The following TENM1 variants were observed in gnomAD, a reference collection of about 807,000 sequenced individuals.
TENM1 encodes teneurin-1.
Under a neutral mutation model 174.8 loss-of-function variants are expected in TENM1, and 35 were observed. The ratio of observed to expected loss-of-function variants is 0.20; its 90% CI spans 0.15 to 0.27. The LOEUF (loss-of-function observed/expected upper bound fraction) is 0.27. Among genes scored for constraint, TENM1 ranks in the 10% least tolerant of loss-of-function variants. TENM1 has a pLI of 1.00. For synonymous variants in TENM1, 781 were observed against 798.7 expected, an observed-to-expected ratio of 0.98 and a Z score of 0.37; for missense variants, 1,633 against 2,130.1, an observed-to-expected ratio of 0.77 and a Z score of 4.59.
chrX:124,579,354 C>T (rs2049246525), intron 11 of TENM1, among the ~76,000 whole-genome samples: 1 of 105,128 alleles, frequency 9.5e-6, no homozygotes, highest in African/African-American at 3.5e-5. Context: ...TGACTGCTAG[C>T]CCTATTCTAT....
At chrX:124,746,952 C>T (rs996547897) in intron 3 of TENM1, among the ~76,000 whole-genome samples, 2 of 109,715 alleles carry the variant, frequency 1.8e-5, no homozygotes, top group Admixed American at 9.9e-5. Flanking sequence ...CATAGTGAAA[C>T]CAAACTACTA....
the TENM1 span, among the ~76,000 whole-genome samples, chrX:125,162,888 C>G: frequency 9.0e-6 from 1 of 111,324 alleles, no homozygotes; most frequent in Non-Finnish European, 1.9e-5. Flanking sequence ...TTCCCCATCA[C>G]AAACCTACTC....
At chrX:124,783,660 G>C (rs995502593) in intron 3 of TENM1, among the ~76,000 whole-genome samples, 1 of 111,710 alleles carries the variant, frequency 9.0e-6, no homozygotes, top group African/African-American at 3.2e-5. Context: ...GCAGATTATG[G>C]TGGGGAATCA....
At chrX:124,878,088 A>G (rs2057239920) in intron 3 of TENM1, among the ~76,000 whole-genome samples, 1 of 111,580 alleles carries the variant, frequency 9.0e-6, no homozygotes. Flanking sequence ...AAATGTATGT[A>G]TAAGTGGACC....
chrX:124,601,220 G>A (rs576306285), intron 11 of TENM1, among the ~76,000 whole-genome samples: 1 of 111,590 alleles, frequency 9.0e-6, no homozygotes, highest in Admixed American at 9.5e-5. Context: ...AGAGGAGAAC[G>A]TGGGATTCAA....
At chrX:125,115,211 C>T in the TENM1 span, among the ~76,000 whole-genome samples, 11 of 111,543 alleles carry the variant, frequency 9.9e-5, no homozygotes, top group African/African-American at 3.3e-4. Context: ...TAAAAACTCT[C>T]AATAAACTAG....
intron 18 of TENM1, among the ~76,000 whole-genome samples, chrX:124,504,510 C>G (rs1417122922): frequency 1.8e-5 from 2 of 111,576 alleles, no homozygotes; most frequent in Admixed American, 1.9e-4. Context: ...TCTTGGAAAC[C>G]TGCTCACCTG....
chrX:124,583,580 T>C (rs1250106755), intron 11 of TENM1, among the ~76,000 whole-genome samples: 10 of 109,794 alleles, frequency 9.1e-5, no homozygotes, highest in Non-Finnish European at 1.3e-4. Flanking sequence ...ACCACAAAGA[T>C]GGGGAAAAAA....
At chrX:125,046,399 G>T in the TENM1 span, among the ~76,000 whole-genome samples, 2 of 112,115 alleles carry the variant, frequency 1.8e-5, no homozygotes, top group African/African-American at 6.5e-5. Flanking sequence ...GGGGAGAAAA[G>T]TCCTAGATAC....
chrX:125,160,811 T>A, the TENM1 span, among the ~76,000 whole-genome samples: 2 of 109,165 alleles, frequency 1.8e-5, no homozygotes, highest in African/African-American at 6.6e-5. Context: ...GTAGAGAAAT[T>A]GGGATGGGAC....
At chrX:125,031,298 ATCTTATTATAAATTAATATAAAT>A in the TENM1 span, among the ~76,000 whole-genome samples, 4 of 111,146 alleles carry the variant, frequency 3.6e-5, no homozygotes, top group East Asian at 8.4e-4. Flanking sequence ...TATAATTTGA[ATCTTATTATAAATTAATATAAAT>A]TAAGGAGTTG....
At chrX:125,036,668 A>G in the TENM1 span, among the ~76,000 whole-genome samples, 2 of 112,143 alleles carry the variant, frequency 1.8e-5, no homozygotes, top group Non-Finnish European at 1.9e-5. Flanking sequence ...GCAACCTATG[A>G]CATAAAATAG....
chrX:124,551,049 C>T (rs1217539558), intron 14 of TENM1, among the ~76,000 whole-genome samples: 1 of 112,804 alleles, frequency 8.9e-6, no homozygotes. Context: ...CGTAAGCCAC[C>T]GGGCCAGCCC....
chrX:125,119,956 C>T, the TENM1 span, among the ~76,000 whole-genome samples: 56 of 111,315 alleles, frequency 5.0e-4, no homozygotes, highest in African/African-American at 1.8e-3. Flanking sequence ...AATCCTACGT[C>T]GGTCTTTCTT....
intron 3 of TENM1, among the ~76,000 whole-genome samples, chrX:124,880,278 T>G (rs2057280706): frequency 9.0e-6 from 1 of 111,620 alleles, no homozygotes; most frequent in African/African-American, 3.3e-5. Context: ...AGGTACTTAT[T>G]TTTTTGGAGC....
chrX:124,841,898 C>T (rs767837701), intron 3 of TENM1, among the ~76,000 whole-genome samples: 3 of 112,367 alleles, frequency 2.7e-5, no homozygotes, highest in African/African-American at 9.7e-5. Context: ...AACTTTGTCT[C>T]TCATGCATAA....
chrX:124,870,745 G>C (rs2057094318), intron 3 of TENM1, among the ~76,000 whole-genome samples: 1 of 110,895 alleles, frequency 9.0e-6, no homozygotes, highest in Non-Finnish European at 1.9e-5. Context: ...CAAGGAGCTA[G>C]ATCATGGAGG....
intron 1 of TENM1, among the ~76,000 whole-genome samples, chrX:124,918,283 G>A (rs984240301): frequency 9.1e-6 from 1 of 109,657 alleles, no homozygotes; most frequent in Non-Finnish European, 1.9e-5. Flanking sequence ...AGGTTCAAGC[G>A]ATTCTCCAGC....
chrX:125,169,232 T>C, the TENM1 span, among the ~76,000 whole-genome samples: 1 of 111,761 alleles, frequency 8.9e-6, no homozygotes, highest in Non-Finnish European at 1.9e-5. Flanking sequence ...TACTGACTTC[T>C]GTTTTGTCAC....
Sources: gnomAD v4.1 joint callset for allele counts (sites outside exome capture counted in the v4.1 genomes callset) on GRCh38, gnomAD v4.1.1 for gene constraint, MANE v1.5 for transcripts, NCBI Gene and HGNC (gene_info 2026-07-23, HGNC 2026-07-21) for gene names.